AGPAT4: variants seen among roughly 807,000 people sequenced by gnomAD.
The protein encoded by AGPAT4 is 1-acylglycerol-3-phosphate O-acyltransferase 4.
In AGPAT4, 15 loss-of-function variants were observed where a neutral mutation model predicts 48.0. The ratio of observed to expected loss-of-function variants is 0.31; its 90% CI spans 0.21 to 0.48. The LOEUF is 0.48. AGPAT4 is among the 20% of genes least tolerant of loss of function. The probability of loss-of-function intolerance (pLI) is 0.99; values close to 1 mark genes in which losing one functional copy is unlikely to be tolerated. For missense variants in AGPAT4, 314 were observed against 482.5 expected (o/e 0.65, Z 3.27); for synonymous variants, 178 against 198.7 (o/e 0.90, Z 0.88).
At chr6:161,185,552 A>G (rs569014848) in intron 2 of AGPAT4, among the ~76,000 whole-genome samples, 1 of 152,200 alleles carries the variant, frequency 6.6e-6, no homozygotes, top group South Asian at 2.1e-4. Flanking sequence ...CATTTTCATC[A>G]ATCAACTCGA....
At chr6:161,210,132 C>G (rs1781484596) in intron 2 of AGPAT4, among the ~76,000 whole-genome samples, 1 of 152,108 alleles carries the variant, frequency 6.6e-6, no homozygotes, top group South Asian at 2.1e-4. Context: ...GTTCAGAGAT[C>G]CAGTTAAAAG....
chr6:161,245,369 G>A lies in AGPAT4; in HGVS notation c.-89-13067C>T, dbSNP rs568980206. On this transcript the variant is annotated intron_variant, in intron 1 of 8. Coordinates refer to ENST00000320285, the MANE Select transcript of AGPAT4 (RefSeq NM_020133.3). The surrounding 1 kb of genome is among the most constrained non-coding windows in gnomAD (Gnocchi z 5.2). ...CTGCAGGGCAGATGCTTAGGCATTG[G>A]ATATCAGTCCCAGTTTTATGGTTCT... Among the ~76,000 whole-genome samples, 8 of 152,354 alleles carry A rather than the reference G, an allele frequency of 5.3e-5. No individual in the cohort carries two copies. In the South Asian group the frequency reaches 6.2e-4, roughly 12 times the overall value.
Position 161,166,159 on chromosome 6 carries a change from A to C in AGPAT4, c.348+89T>G. 1 of 1,501,076 alleles carries C rather than the reference A, an allele frequency of 6.7e-7. No individual in the cohort carries two copies. Among genetic ancestry groups the C allele is most frequent in the South Asian group, 1.2e-5 (1 of 82,370 alleles). The allele number at this position is 1,501,076 out of a possible 1,614,324, so 93.0% of individuals were successfully genotyped here. A position where few individuals can be genotyped will look rare whatever the true frequency, so the allele number is the denominator to read the frequency against. On this transcript the variant is annotated intron_variant, in intron 3 of 8. Coordinates refer to ENST00000320285, the MANE Select transcript of AGPAT4 (RefSeq NM_020133.3). The surrounding 1 kb of genome is among the most constrained non-coding windows in gnomAD (Gnocchi z 6.7). ...GTAGAAACTCTGTTGATTCTTCTGC[A>C]AGTTCTGAATGACCAGGAGCAAAAA...
chr6:161,176,856 G>T (rs1780444162), intron 2 of AGPAT4, among the ~76,000 whole-genome samples: 1 of 152,108 alleles, frequency 6.6e-6, no homozygotes, highest in Admixed American at 6.5e-5. Flanking sequence ...AAATCTCTCA[G>T]CATTTGCTTG....
rs75922644 is a variant in AGPAT4, at chr6:161,258,329, A to G, written c.-90+15609T>C. Among the ~76,000 whole-genome samples the G allele has an allele frequency of 1.8e-3, 269 of 152,286 alleles. 1 individual carries two copies. Among genetic ancestry groups the G allele is most frequent in the African/African-American group, 6.0e-3 (248 of 41,550 alleles). ...TTCTATCCTTTCCCATTTGAAAACA[A>G]ATTTCCTGCAAACGGGTTGGCAGAT... is the stretch of plus-strand genomic sequence containing the variant. On this transcript the variant is annotated intron_variant, in intron 1 of 8. Transcript: ENST00000320285.
chr6:161,270,734 A>G lies in AGPAT4; in HGVS notation c.-90+3204T>C, dbSNP rs1172642682. 6.6e-6 allele frequency among the ~76,000 whole-genome samples: 1 copy of G among 152,174 alleles called. No individual in the cohort carries two copies. Among genetic ancestry groups the G allele is most frequent in the Admixed American group, 6.5e-5 (1 of 15,282 alleles). On this transcript the variant is annotated intron_variant, in intron 1 of 8. Coordinates refer to ENST00000320285, the MANE Select transcript of AGPAT4 (RefSeq NM_020133.3). The surrounding 1 kb of genome is among the most constrained non-coding windows in gnomAD (Gnocchi z 5.3). ...GAGGGGGAGGTTGTGGTGAGCCGAG[A>G]TCACGCCATTGCACTCCAGCCTGGG...
In AGPAT4 at chr6:161,195,250, A is replaced by G. The variant is rs1467919179; in HGVS notation, c.179-28833T>C. On this transcript the variant is annotated intron_variant, in intron 2 of 8. Transcript: ENST00000320285. This position sits in a 1 kb window ranked among gnomAD's most constrained non-coding sequence, Gnocchi z 5.0. ...CCAAGATGAAGGATAATTCAAGACAAGAAACTGGCACCTATTTTCAGGGTA... is the reference window on the plus strand; with the variant it reads ...CCAAGATGAAGGATAATTCAAGACAGGAAACTGGCACCTATTTTCAGGGTA... Among the ~76,000 whole-genome samples, 1 of 152,240 alleles carries G rather than the reference A, an allele frequency of 6.6e-6. No homozygotes were observed. The highest frequency in any genetic ancestry group is 2.4e-5 in the African/African-American group (1 of 41,468).
chr6:161,133,489 CCTTA>C lies in AGPAT4; in HGVS notation c.*3047_*3050del, dbSNP rs1222721394. The stretch of plus-strand genomic sequence containing the variant: ...GGGTGGTAGACTAACTCACAGAGTG[CCTTA>C]CTTCTTCCTCCCGATTAATCGTGTT... On this transcript the variant is annotated 3_prime_UTR_variant, in exon 9 of 9. Transcript: ENST00000320285. 1 of 152,284 alleles carries C rather than the reference CCTTA, an allele frequency of 6.6e-6. No homozygotes were observed. 9.4% of individuals were successfully genotyped at this position (152,284 alleles called of 1,614,324 possible). A position where few individuals can be genotyped will look rare whatever the true frequency, so the allele number is the denominator to read the frequency against.
At chr6:161,188,355 A>G (rs1780828429) in intron 2 of AGPAT4, among the ~76,000 whole-genome samples, 1 of 152,152 alleles carries the variant, frequency 6.6e-6, no homozygotes, top group Non-Finnish European at 1.5e-5. Context: ...ATTATGTATA[A>G]ATTGCACATT....
chr6:161,188,167 T>C (rs138061748), intron 2 of AGPAT4, among the ~76,000 whole-genome samples: 1,561 of 152,344 alleles, frequency 0.01, 28 homozygotes, highest in African/African-American at 0.036. Flanking sequence ...AAAATAATTT[T>C]TACAGGCAGA....
Position 161,245,714 on chromosome 6 carries a change from A to C in AGPAT4, c.-89-13412T>G, listed in dbSNP as rs931632585. ...ACTCACTGTCCGTGAAGTGCCCTCA[A>C]TCCTTGAGTTCTTGGAGATCCTGTC... On this transcript the variant is annotated intron_variant, in intron 1 of 8. Coordinates refer to ENST00000320285, the MANE Select transcript of AGPAT4 (RefSeq NM_020133.3). The surrounding 1 kb of genome is among the most constrained non-coding windows in gnomAD (Gnocchi z 5.2). 6.6e-6 allele frequency among the ~76,000 whole-genome samples: 1 copy of C among 152,092 alleles called. No individual in the cohort carries two copies. The highest frequency in any genetic ancestry group is 2.4e-5 in the African/African-American group (1 of 41,404).
chr6:161,170,477 A>ACGTGCGCGCG (rs1562322560), intron 2 of AGPAT4, among the ~76,000 whole-genome samples: 1 of 35,116 alleles, frequency 2.8e-5, no homozygotes, highest in African/African-American at 7.1e-5. Context: ...GCGCGCGCAC[A>ACGTGCGCGCG]CACACACACA....
Position 161,234,461 on chromosome 6 carries a change from C to T in AGPAT4, c.-89-2159G>A, listed in dbSNP as rs1044054322. ...GCAGACGGCATTTCCACAGATATTT[C>T]CAGGCTGGAAAACTCCTTACTGAGT... is the stretch of plus-strand genomic sequence containing the variant. On this transcript the variant is annotated intron_variant, in intron 1 of 8. Coordinates refer to ENST00000320285, the MANE Select transcript of AGPAT4 (RefSeq NM_020133.3). This position sits in a 1 kb window ranked among gnomAD's most constrained non-coding sequence, Gnocchi z 4.4. Among the ~76,000 whole-genome samples the T allele has an allele frequency of 1.3e-5, 2 of 152,104 alleles. No homozygotes were observed. Among genetic ancestry groups the T allele is most frequent in the Non-Finnish European group, 2.9e-5 (2 of 68,028 alleles).
rs927606113 is a variant in AGPAT4, at chr6:161,251,831, G to A, written c.-89-19529C>T. Among the ~76,000 whole-genome samples the A allele has an allele frequency of 6.6e-6, 1 of 152,210 alleles. No homozygotes were observed. Among genetic ancestry groups the A allele is most frequent in the Non-Finnish European group, 1.5e-5 (1 of 68,032 alleles). On this transcript the variant is annotated intron_variant, in intron 1 of 8. Coordinates refer to ENST00000320285, the MANE Select transcript of AGPAT4 (RefSeq NM_020133.3). The surrounding 1 kb of genome is among the most constrained non-coding windows in gnomAD (Gnocchi z 4.6). ...TTTCTGCAGGAGGAACAAAAGCAGA[G>A]AGGGGGAGCAGCCATTTAGATTCTT...
In AGPAT4 at chr6:161,215,847, A is replaced by T. The variant is rs1230632192; in HGVS notation, c.178+16189T>A. 1.3e-5 allele frequency among the ~76,000 whole-genome samples: 2 copies of T among 152,206 alleles called. No individual in the cohort carries two copies. Among genetic ancestry groups the T allele is most frequent in the Non-Finnish European group, 2.9e-5 (2 of 68,038 alleles). On this transcript the variant is annotated intron_variant, in intron 2 of 8. Coordinates refer to ENST00000320285, the MANE Select transcript of AGPAT4 (RefSeq NM_020133.3). The surrounding 1 kb of genome is among the most constrained non-coding windows in gnomAD (Gnocchi z 4.5). ...ATATACCCATTATTTTATTCGTAAT[A>T]CAGCATTACCTTTCAAACTATACAT...
At chr6:161,269,627 A>T (rs1783366717) in intron 1 of AGPAT4, among the ~76,000 whole-genome samples, 2 of 152,142 alleles carry the variant, frequency 1.3e-5, no homozygotes, top group Admixed American at 1.3e-4. Flanking sequence ...CCTGGGTGAC[A>T]GAGCGAGACC....
In AGPAT4 at chr6:161,196,789, A is replaced by T. The variant is rs2115006149; in HGVS notation, c.179-30372T>A. ...GTGCTACTGTACTCCAGCCTAGGCA[A>T]CAGAGAAAGACTCTATCTCCCCCCG... On this transcript the variant is annotated intron_variant, in intron 2 of 8. Coordinates refer to ENST00000320285, the MANE Select transcript of AGPAT4 (RefSeq NM_020133.3). This position sits in a 1 kb window ranked among gnomAD's most constrained non-coding sequence, Gnocchi z 4.3. Among the ~76,000 whole-genome samples the T allele has an allele frequency of 6.6e-6, 1 of 151,018 alleles. No individual in the cohort carries two copies. The highest frequency in any genetic ancestry group is 2.4e-5 in the African/African-American group (1 of 40,924).
rs1163167067 is a variant in AGPAT4, at chr6:161,216,365, T to C, written c.178+15671A>G. Among the ~76,000 whole-genome samples, 2 of 152,192 alleles carry C rather than the reference T, an allele frequency of 1.3e-5. No homozygotes were observed. The highest frequency in any genetic ancestry group is 6.5e-5 in the Admixed American group (1 of 15,278). On this transcript the variant is annotated intron_variant, in intron 2 of 8. Coordinates refer to ENST00000320285, the MANE Select transcript of AGPAT4 (RefSeq NM_020133.3). The surrounding 1 kb of genome is among the most constrained non-coding windows in gnomAD (Gnocchi z 4.8). ...AAACGTCTGCAACAAGTGCGTCTCT[T>C]GTCCAGGATGACAGACAACCTCTGC...
chr6:161,220,050 C>T lies in AGPAT4; in HGVS notation c.178+11986G>A, dbSNP rs1192917220. On this transcript the variant is annotated intron_variant, in intron 2 of 8. Coordinates refer to ENST00000320285, the MANE Select transcript of AGPAT4 (RefSeq NM_020133.3). The surrounding 1 kb of genome is among the most constrained non-coding windows in gnomAD (Gnocchi z 6.0). ...GCTTGCTATCACAGTTACATTATTC[C>T]TGTTAAAAAACTTAGAACTCCAGTG... 6.6e-6 allele frequency among the ~76,000 whole-genome samples: 1 copy of T among 152,116 alleles called. No homozygotes were observed. Among genetic ancestry groups the T allele is most frequent in the Non-Finnish European group, 1.5e-5 (1 of 68,022 alleles).
Sources: allele counts gnomAD v4.1 joint callset (sites outside exome capture counted in the v4.1 genomes callset), GRCh38; gene constraint gnomAD v4.1.1; non-coding constraint Gnocchi (gnomAD v3.1); transcripts MANE v1.5; gene names NCBI Gene and HGNC (gene_info 2026-07-23, HGNC 2026-07-21).